The following ZNF536 variants were observed in gnomAD, a reference collection of about 807,000 sequenced individuals.
The protein encoded by ZNF536 is zinc finger protein 536.
In ZNF536, 13 loss-of-function variants were observed where a neutral mutation model predicts 84.5. The ratio of observed to expected loss-of-function variants is 0.15; its 90% confidence interval spans 0.10 to 0.24. The LOEUF is 0.24. Ranked by LOEUF, ZNF536 falls within the 10% of genes least tolerant of loss-of-function variation. The pLI, the probability that ZNF536 is intolerant of heterozygous loss-of-function variation, is 1.00. For missense variants in ZNF536, 1,536 were observed against 1,747.5 expected (o/e 0.88, Z 2.16); for synonymous variants, 811 against 742.5 (o/e 1.09, Z -1.50).
chr19:30,680,905 C>G (rs1027631529), intron 1 of ZNF536, among the ~76,000 whole-genome samples: 1 of 152,262 alleles, frequency 6.6e-6, no homozygotes, highest in Non-Finnish European at 1.5e-5. Flanking sequence ...CACATCCTCT[C>G]CAGCACCTGT....
At chr19:30,452,856 G>A (rs566890119) in intron 2 of ZNF536, among the ~76,000 whole-genome samples, 19 of 152,100 alleles carry the variant, frequency 1.2e-4, no homozygotes, top group African/African-American at 4.1e-4. Flanking sequence ...CTCCTCTGTC[G>A]GCATCTGATG....
rs79079253 is a variant in ZNF536, at chr19:30,545,074, C to T, written c.2324-2869C>T. On this transcript the variant is annotated intron_variant, in intron 3 of 4. Coordinates refer to ENST00000355537, the MANE Select transcript of ZNF536 (RefSeq NM_014717.3). ...CCCACTCAGGATCCACAGAGGGCCA[C>T]CTGGGAAAGTCCCGAAAGATCCCGA... 3.6e-3 allele frequency among the ~76,000 whole-genome samples: 547 copies of T among 152,320 alleles called. 3 individuals carry two copies. The highest frequency in any genetic ancestry group is 0.012 in the African/African-American group (513 of 41,558).
At chr19:30,435,304 G>T (rs913504606) in intron 1 of ZNF536, among the ~76,000 whole-genome samples, 1 of 150,930 alleles carries the variant, frequency 6.6e-6, no homozygotes, top group Non-Finnish European at 1.5e-5. Context: ...TGGTGGTGAT[G>T]CTGATGCTGG....
intron 2 of ZNF536, among the ~76,000 whole-genome samples, chr19:30,305,914 A>T (rs942192303): frequency 1.3e-5 from 2 of 152,006 alleles, no homozygotes; most frequent in African/African-American, 4.8e-5. Context: ...TGGGCCAGGC[A>T]TGGAGTGGAT....
chr19:30,271,531 A>G (rs2025854220), intron 1 of ZNF536, among the ~76,000 whole-genome samples: 1 of 151,996 alleles, frequency 6.6e-6, no homozygotes, highest in Non-Finnish European at 1.5e-5. Flanking sequence ...GGATAGCTGT[A>G]TTTTGATCAC....
chr19:30,491,101 G>A (rs1050895255), intron 2 of ZNF536, among the ~76,000 whole-genome samples: 5 of 152,144 alleles, frequency 3.3e-5, no homozygotes, highest in African/African-American at 9.7e-5. Context: ...GGTTGATGTC[G>A]CTAGAGACAA....
rs761381098 is a variant in ZNF536 at position 30,444,509 on chromosome 19, T to G, written c.947T>G (p.Ile316Ser). The change falls in exon 2 of 5, where the codon ATC becomes AGC. Residue 316 changes from isoleucine to serine, a missense_variant. Physicochemically the swap from Ile to Ser is moderately radical, Grantham distance 142. Transcript: ENST00000355537. ...DFAASQEEEL[I>S]SHVEKAHITA... ...GCGGCTTCGCAGGAGGAGGAGCTCA[T>G]CAGCCACGTGGAGAAGGCACACATC... 6.2e-7 allele frequency: 1 copy of G among 1,612,368 alleles called. No homozygotes were observed. Among genetic ancestry groups the G allele is most frequent in the Non-Finnish European group, 8.5e-7 (1 of 1,179,822 alleles).
chr19:30,702,854 G>A (rs1245032738), intron 1 of ZNF536, among the ~76,000 whole-genome samples: 3 of 152,146 alleles, frequency 2.0e-5, no homozygotes, highest in Admixed American at 1.3e-4. Flanking sequence ...GCCAAGCACC[G>A]TGCTGGGTGG....
chr19:30,360,910 G>A (rs1213749115), intron 3 of ZNF536, among the ~76,000 whole-genome samples: 1 of 152,228 alleles, frequency 6.6e-6, no homozygotes, highest in African/African-American at 2.4e-5. Flanking sequence ...AGGGCTTCCT[G>A]AATTAAACTG....
At chr19:30,555,770 C>T (rs1429782958) in intron 4 of ZNF536, 1 of 152,224 alleles carries the variant, frequency 6.6e-6, no homozygotes, top group Non-Finnish European at 1.5e-5. Flanking sequence ...CATTTTTCAT[C>T]TTGTGCAAGA....
rs79975771 is a variant in ZNF536 at position 30,474,394 on chromosome 19, A to G, written c.2170+28662A>G. On this transcript the variant is annotated intron_variant, in intron 2 of 4. Coordinates refer to ENST00000355537, the MANE Select transcript of ZNF536 (RefSeq NM_014717.3). Reference sequence around the variant, plus strand: ...CATGGCTACCCTGTGAGCACTGTGTAGGGCTCCATATTGTTATCTGGGTCT... The same window carrying G: ...CATGGCTACCCTGTGAGCACTGTGTGGGGCTCCATATTGTTATCTGGGTCT... 9.1e-3 allele frequency among the ~76,000 whole-genome samples: 1,381 copies of G among 151,996 alleles called. 27 individuals are homozygous for G. Among genetic ancestry groups the G allele is most frequent in the African/African-American group, 0.031 (1,293 of 41,432 alleles).
At chr19:30,524,708 C>A (rs1019060118) in intron 2 of ZNF536, among the ~76,000 whole-genome samples, 1 of 152,114 alleles carries the variant, frequency 6.6e-6, no homozygotes, top group Non-Finnish European at 1.5e-5. Context: ...CCCTCCTCCA[C>A]CCCCACCCAA....
chr19:30,453,047 G>A (rs2052680203), intron 2 of ZNF536, among the ~76,000 whole-genome samples: 1 of 152,176 alleles, frequency 6.6e-6, no homozygotes, highest in Non-Finnish European at 1.5e-5. Flanking sequence ...GCAGCTGAGA[G>A]CGGCCATGGG....
exon 2 of ZNF536, chr19:30,712,973 A>C (rs143844174): frequency 5.0e-4 from 76 of 152,202 alleles, no homozygotes; most frequent in African/African-American, 1.7e-3. Flanking sequence ...AAGAAAAAAA[A>C]GAGGAAAAAA....
At chr19:30,711,950 C>T (rs1007054340) in exon 2 of ZNF536, 6 of 151,866 alleles carry the variant, frequency 4.0e-5, no homozygotes, top group African/African-American at 7.3e-5. Context: ...AAGGCTGCTC[C>T]GGTCCTTATT....
intron 1 of ZNF536, among the ~76,000 whole-genome samples, chr19:30,393,361 A>G (rs2147369181): frequency 6.6e-6 from 1 of 152,304 alleles, no homozygotes; most frequent in African/African-American, 2.4e-5. Context: ...ATTTCTTCCT[A>G]TGCTCACTGA....
At chr19:30,316,678 A>G (rs1235945990) in intron 2 of ZNF536, among the ~76,000 whole-genome samples, 1 of 152,152 alleles carries the variant, frequency 6.6e-6, no homozygotes, top group East Asian at 1.9e-4. Context: ...ATCCTGTTAC[A>G]TTACAGAGCA....
rs1214595325 is a variant in ZNF536 at position 30,548,378 on chromosome 19, C to T, written c.2759C>T (p.Ala920Val). The change falls in exon 4 of 5, where the codon GCT becomes GTT. Residue 920 changes from alanine to valine, a missense_variant. Transcript: ENST00000355537. ...NGVNFQGSLQ[A>V]FMDSFVLSSL... ...GTGAATTTCCAAGGGTCCTTGCAAG[C>T]TTTCATGGACAGTTTTGTCCTCAGT... The T allele has an allele frequency of 6.2e-7, 1 of 1,614,142 alleles. No homozygotes were observed. Among genetic ancestry groups the T allele is most frequent in the Non-Finnish European group, 8.5e-7 (1 of 1,180,018 alleles).
intron 1 of ZNF536, among the ~76,000 whole-genome samples, chr19:30,416,108 C>G (rs900206488): frequency 2.6e-5 from 4 of 152,172 alleles, no homozygotes; most frequent in Non-Finnish European, 4.4e-5. Flanking sequence ...GCTTTTAGAT[C>G]TTCAACAGGG....
Sources: allele counts gnomAD v4.1 joint callset (sites outside exome capture counted in the v4.1 genomes callset), GRCh38; gene constraint gnomAD v4.1.1; transcripts MANE v1.5; gene names NCBI Gene and HGNC (gene_info 2026-07-23, HGNC 2026-07-21).